CDKAL1: variants seen among roughly 807,000 people sequenced by gnomAD.
CDKAL1 encodes the protein CDKAL1 threonylcarbamoyladenosine tRNA methylthiotransferase.
In CDKAL1, 32 loss-of-function variants were observed where a neutral mutation model predicts 68.2. The ratio of observed to expected loss-of-function variants is 0.47; its 90% CI spans 0.35 to 0.63. The LOEUF is 0.63. CDKAL1 is among the 30% of genes least tolerant of loss of function. The pLI is 0.00. For missense variants in CDKAL1, 606 were observed against 696.7 expected (o/e 0.87, Z 1.47); for synonymous variants, 234 against 244.3 (o/e 0.96, Z 0.39).
intron 8 of CDKAL1, among the ~76,000 whole-genome samples, chr6:20,836,138 G>A (rs1777930482): frequency 6.6e-6 from 1 of 152,084 alleles, no homozygotes; most frequent in Non-Finnish European, 1.5e-5. Flanking sequence ...TGCACTTTTC[G>A]ATAGTGACTC....
At chr6:20,826,472 A>T (rs572307893) in intron 8 of CDKAL1, among the ~76,000 whole-genome samples, 10 of 152,318 alleles carry the variant, frequency 6.6e-5, no homozygotes, top group African/African-American at 2.4e-4. Flanking sequence ...TTTAGAACTC[A>T]TCATGTGTCA....
intron 5 of CDKAL1, among the ~76,000 whole-genome samples, chr6:20,706,173 T>C (rs778586010): frequency 6.6e-6 from 1 of 152,184 alleles, no homozygotes; most frequent in African/African-American, 2.4e-5. Context: ...CCTATGGTGC[T>C]ACCCATCAAG....
At chr6:20,681,405 G>C (rs988138505) in intron 5 of CDKAL1, among the ~76,000 whole-genome samples, 1 of 152,084 alleles carries the variant, frequency 6.6e-6, no homozygotes, top group Non-Finnish European at 1.5e-5. Context: ...CCTACATTTT[G>C]TGTTTTTTTC....
intron 4 of CDKAL1, among the ~76,000 whole-genome samples, chr6:20,566,065 C>T (rs961389895): frequency 2.0e-5 from 3 of 151,964 alleles, no homozygotes; most frequent in Admixed American, 1.3e-4. Flanking sequence ...AACAGGCTTC[C>T]CTCTCCAACC....
chr6:21,213,404 A>G (rs141017007), intron 15 of CDKAL1, among the ~76,000 whole-genome samples: 7 of 152,292 alleles, frequency 4.6e-5, no homozygotes, highest in Non-Finnish European at 7.3e-5. Flanking sequence ...AACATGGATG[A>G]TGTTTTGCCC....
intron 4 of CDKAL1, among the ~76,000 whole-genome samples, chr6:20,619,925 C>T (rs1767099873): frequency 6.6e-6 from 1 of 152,192 alleles, no homozygotes; most frequent in Admixed American, 6.5e-5. Flanking sequence ...AGCACCATCT[C>T]TTAATGAAGG....
At chr6:20,975,478 T>C (rs1334582646) in intron 10 of CDKAL1, among the ~76,000 whole-genome samples, 1 of 152,228 alleles carries the variant, frequency 6.6e-6, no homozygotes, top group African/African-American at 2.4e-5. Flanking sequence ...ATAGTACATA[T>C]GCTTCATGTA....
chr6:20,722,222 A>G (rs1562053157), intron 5 of CDKAL1: 1 of 151,934 alleles, frequency 6.6e-6, no homozygotes, highest in Non-Finnish European at 1.5e-5. Flanking sequence ...GGACCATAAT[A>G]CGTTCTGAAA....
intron 10 of CDKAL1, among the ~76,000 whole-genome samples, chr6:20,956,166 G>T (rs1207367937): frequency 6.6e-6 from 1 of 152,168 alleles, no homozygotes; most frequent in Non-Finnish European, 1.5e-5. Context: ...CTGAATACAT[G>T]ACATTTTCTT....
At chr6:20,548,457 T>C (rs1581706620) in intron 3 of CDKAL1, 136 bp from the exon 4 acceptor site, 1 of 632,124 alleles carries the variant, frequency 1.6e-6, no homozygotes, top group East Asian at 2.9e-5. Context: ...CCCTTAGGCC[T>C]GGGAGGTTGA....
chr6:20,757,360 C>T (rs1774263472), intron 6 of CDKAL1, among the ~76,000 whole-genome samples: 1 of 151,974 alleles, frequency 6.6e-6, no homozygotes, highest in South Asian at 2.1e-4. Flanking sequence ...ATGCATGCAT[C>T]ACATCATGCA....
chr6:21,079,606 A>G (rs1180060745), intron 12 of CDKAL1, among the ~76,000 whole-genome samples: 1 of 152,244 alleles, frequency 6.6e-6, no homozygotes, highest in Non-Finnish European at 1.5e-5. Context: ...CCTTGACTGT[A>G]GACTTAACAG....
intron 4 of CDKAL1, among the ~76,000 whole-genome samples, chr6:20,606,519 C>T (rs1454185393): frequency 6.6e-6 from 1 of 152,116 alleles, no homozygotes; most frequent in African/African-American, 2.4e-5. Flanking sequence ...TTTATCTCAA[C>T]ACCAAAAGAA....
At chr6:20,648,547 A>G (rs1342822586) in intron 4 of CDKAL1, among the ~76,000 whole-genome samples, 1 of 152,044 alleles carries the variant, frequency 6.6e-6, no homozygotes, top group Non-Finnish European at 1.5e-5. Flanking sequence ...AGACATCTGT[A>G]TGTTCTCTTA....
chr6:21,130,595 T>C (rs550521495), intron 13 of CDKAL1, among the ~76,000 whole-genome samples: 41 of 152,308 alleles, frequency 2.7e-4, no homozygotes, highest in Non-Finnish European at 4.7e-4. Context: ...TTGACTTTGA[T>C]TGGAGACCCC....
intron 4 of CDKAL1, among the ~76,000 whole-genome samples, chr6:20,575,877 ACT>A (rs1202102877): frequency 6.6e-6 from 1 of 152,042 alleles, no homozygotes; most frequent in East Asian, 1.9e-4. Context: ...ATGGCAACAC[ACT>A]CTATCAAAAC....
intron 15 of CDKAL1, among the ~76,000 whole-genome samples, chr6:21,224,197 C>T (rs2151127051): frequency 6.6e-6 from 1 of 152,264 alleles, no homozygotes; most frequent in African/African-American, 2.4e-5. Flanking sequence ...GCAAAAGGAA[C>T]TCTGCAGATG....
intron 5 of CDKAL1, among the ~76,000 whole-genome samples, chr6:20,660,431 C>G (rs1489529552): frequency 6.6e-6 from 1 of 152,184 alleles, no homozygotes; most frequent in East Asian, 1.9e-4. Flanking sequence ...TAGTGAGTCC[C>G]TTGACAGATA....
chr6:20,723,333 G>A (rs1222963957), intron 5 of CDKAL1, among the ~76,000 whole-genome samples: 1 of 152,238 alleles, frequency 6.6e-6, no homozygotes, highest in Non-Finnish European at 1.5e-5. Flanking sequence ...GGGGCTTTGG[G>A]GTCATGGGCA....
Sources: gnomAD v4.1 joint callset for allele counts (sites outside exome capture counted in the v4.1 genomes callset) on GRCh38, gnomAD v4.1.1 for gene constraint, MANE v1.5 for transcripts, NCBI Gene and HGNC (gene_info 2026-07-23, HGNC 2026-07-21) for gene names.